KIF26B: variants seen among roughly 807,000 people sequenced by gnomAD.
KIF26B encodes the protein kinesin family member 26B, also known as kinesin-like protein KIF26B.
A neutral mutation model predicts 151.2 loss-of-function variants in KIF26B; 63 were observed. The observed-to-expected ratio is 0.42, with a 90% CI of 0.34 to 0.51. The LOEUF is 0.51. Among genes scored for constraint, KIF26B ranks in the 20% least tolerant of loss-of-function variants. KIF26B has a pLI of 0.07. For synonymous variants in KIF26B, 1,357 were observed against 1,262.1 expected (o/e 1.08, Z -1.59); for missense variants, 2,813 against 2,913.6 (o/e 0.97, Z 0.79).
At position 245,480,485 on chromosome 1, in the gene KIF26B, G is replaced by A. The variant is rs1287652482; in HGVS notation, c.1167-60282G>A. On this transcript the variant is annotated intron_variant, in intron 4 of 14. Coordinates refer to ENST00000407071, the MANE Select transcript of KIF26B (RefSeq NM_018012.4). Reference sequence around the variant, plus strand: ...AGCAGATTTCCAGCAGGTGTTTGAGGGTTTCTGCATTCAGTGACATAAACA... The same window carrying A: ...AGCAGATTTCCAGCAGGTGTTTGAGAGTTTCTGCATTCAGTGACATAAACA... Among the ~76,000 whole-genome samples, 4 of 151,636 alleles carry A rather than the reference G, an allele frequency of 2.6e-5. No individual in the cohort carries two copies. In the East Asian group the frequency reaches 7.7e-4, roughly 29 times the overall value.
At chr1:245,464,944 G>A (rs186121261) in intron 4 of KIF26B, among the ~76,000 whole-genome samples, 58 of 152,022 alleles carry the variant, frequency 3.8e-4, no homozygotes, top group African/African-American at 1.3e-3. Context: ...CAGGCTGCCC[G>A]GGCACCCAGC....
At chr1:245,370,591 G>A (rs1673089534) in intron 3 of KIF26B, 1 of 456,588 alleles carries the variant, frequency 2.2e-6, no homozygotes, top group African/African-American at 2.0e-5. Flanking sequence ...CGAAGCTCTT[G>A]TCACACGTGG....
intron 3 of KIF26B, among the ~76,000 whole-genome samples, chr1:245,379,239 T>G (rs1673345909): frequency 6.6e-6 from 1 of 152,370 alleles, no homozygotes; most frequent in Non-Finnish European, 1.5e-5. Context: ...ATATTTTAAG[T>G]AGATGTGATC....
chr1:245,309,786 A>G (rs1671630649), intron 2 of KIF26B, among the ~76,000 whole-genome samples: 1 of 147,514 alleles, frequency 6.8e-6, no homozygotes, highest in East Asian at 1.9e-4. Flanking sequence ...GACATTCCAT[A>G]TGCAAAGAGA....
chr1:245,672,269 AG>A (rs1558262361), intron 10 of KIF26B, among the ~76,000 whole-genome samples: 1 of 152,184 alleles, frequency 6.6e-6, no homozygotes, highest in Non-Finnish European at 1.5e-5. Flanking sequence ...GGTCAGGAGC[AG>A]GGAGCAGGGG....
At position 245,357,090 on chromosome 1, in the gene KIF26B, G is replaced by A. The variant is rs114571582; in HGVS notation, c.466-9744G>A. ...GTTCAGGCTGAGTCAGGGAACAAGTGTAGGAGCTGAGGGCAGAGAGGGACC... is the reference window on the plus strand; with the variant it reads ...GTTCAGGCTGAGTCAGGGAACAAGTATAGGAGCTGAGGGCAGAGAGGGACC... On this transcript the variant is annotated intron_variant, in intron 2 of 14. Coordinates refer to ENST00000407071, the MANE Select transcript of KIF26B (RefSeq NM_018012.4). Among the ~76,000 whole-genome samples the A allele has an allele frequency of 2.5e-3, 377 of 152,326 alleles. 1 individual carries two copies. Among genetic ancestry groups the A allele is most frequent in the African/African-American group, 8.9e-3 (368 of 41,574 alleles).
chr1:245,515,210 C>T lies in KIF26B; in HGVS notation c.1167-25557C>T, dbSNP rs557099571. Among the ~76,000 whole-genome samples the T allele has an allele frequency of 7.6e-4, 116 of 152,292 alleles. 1 individual carries two copies. Among genetic ancestry groups the T allele is most frequent in the African/African-American group, 2.6e-3 (106 of 41,568 alleles). On this transcript the variant is annotated intron_variant, in intron 4 of 14. Coordinates refer to ENST00000407071, the MANE Select transcript of KIF26B (RefSeq NM_018012.4). ...CTTGACTCGTGCCGGTCCCTCAGCA[C>T]GACGGGTCCTCCTCCTGGCTGGCTC...
intron 4 of KIF26B, among the ~76,000 whole-genome samples, chr1:245,425,217 A>G (rs1320043068): frequency 2.0e-5 from 3 of 152,212 alleles, no homozygotes; most frequent in African/African-American, 4.8e-5. Context: ...ATGAAACCCA[A>G]TAAAAACTCT....
intron 10 of KIF26B, among the ~76,000 whole-genome samples, chr1:245,680,399 G>C (rs796287056): frequency 6.6e-6 from 1 of 152,144 alleles, no homozygotes; most frequent in East Asian, 1.9e-4. Flanking sequence ...CATACATGCC[G>C]CTGCTTCTTT....
At chr1:245,630,994 CAT>C (rs2043775222) in intron 9 of KIF26B, among the ~76,000 whole-genome samples, 1 of 152,088 alleles carries the variant, frequency 6.6e-6, no homozygotes, top group African/African-American at 2.4e-5. Context: ...TATCCAGCCA[CAT>C]TACCAAATTT....
At chr1:245,490,274 T>C (rs1377861166) in intron 4 of KIF26B, among the ~76,000 whole-genome samples, 1 of 151,266 alleles carries the variant, frequency 6.6e-6, no homozygotes, top group East Asian at 1.9e-4. Flanking sequence ...GACTTCTCCA[T>C]GGACCCAATA....
chr1:245,494,305 T>TCAAACAAA (rs3068403), intron 4 of KIF26B, among the ~76,000 whole-genome samples: 158 of 151,302 alleles, frequency 1.0e-3, no homozygotes, highest in Middle Eastern at 6.8e-3. Flanking sequence ...AAACTCTGTC[T>TCAAACAAA]CAAACAAACA....
At chr1:245,210,784 C>G (rs1054378342) in intron 2 of KIF26B, among the ~76,000 whole-genome samples, 3 of 152,056 alleles carry the variant, frequency 2.0e-5, no homozygotes, top group Non-Finnish European at 4.4e-5. Context: ...AGGACATTCC[C>G]AAGCCCGTCC....
At chr1:245,380,799 G>T (rs1673389811) in intron 3 of KIF26B, among the ~76,000 whole-genome samples, 1 of 152,018 alleles carries the variant, frequency 6.6e-6, no homozygotes. Flanking sequence ...ATTTCTTTGG[G>T]GGCAATTTGG....
chr1:245,357,159 T>C (rs2103004031), intron 2 of KIF26B, among the ~76,000 whole-genome samples: 1 of 152,300 alleles, frequency 6.6e-6, no homozygotes, highest in East Asian at 1.9e-4. Flanking sequence ...ACATTGACTT[T>C]GACTCTGAAG....
chr1:245,548,916 T>C (rs1260991125), intron 5 of KIF26B, among the ~76,000 whole-genome samples: 1 of 152,158 alleles, frequency 6.6e-6, no homozygotes, highest in African/African-American at 2.4e-5. Flanking sequence ...GCTAACTTTT[T>C]GTATTTTTAG....
intron 5 of KIF26B, among the ~76,000 whole-genome samples, chr1:245,581,926 GAGGA>G (rs141698408): frequency 5.6e-4 from 80 of 142,388 alleles, no homozygotes; most frequent in African/African-American, 1.2e-3. Context: ...AAGAGAGAAA[GAGGA>G]AGGAAGGAAG....
At chr1:245,280,023 A>G (rs2102967340) in intron 2 of KIF26B, among the ~76,000 whole-genome samples, 1 of 152,032 alleles carries the variant, frequency 6.6e-6, no homozygotes, top group South Asian at 2.1e-4. Context: ...AGTTTACAGT[A>G]CCATTTGGAG....
At chr1:245,191,406 C>T (rs1316663747) in intron 2 of KIF26B, among the ~76,000 whole-genome samples, 1 of 150,644 alleles carries the variant, frequency 6.6e-6, no homozygotes, top group African/African-American at 2.5e-5. Context: ...ACCCAGGAGA[C>T]AGAGGGTGCA....
Sources: gnomAD v4.1 joint callset for allele counts (sites outside exome capture counted in the v4.1 genomes callset) on GRCh38, gnomAD v4.1.1 for gene constraint, MANE v1.5 for transcripts, NCBI Gene and HGNC (gene_info 2026-07-23, HGNC 2026-07-21) for gene names.